Variants in SGCD observed in about 807,000 individuals in gnomAD.
The protein encoded by SGCD is delta-sarcoglycan.
Under a neutral mutation model 36.6 loss-of-function variants are expected in SGCD, and 18 were observed. The observed-to-expected ratio is 0.49, with a 90% CI of 0.34 to 0.73. SGCD has a LOEUF of 0.73. Among genes scored for constraint, SGCD ranks in the 30% least tolerant of loss-of-function variants. SGCD has a pLI of 0.01. For synonymous variants in SGCD, 133 were observed against 130.6 expected (o/e 1.02, Z -0.12); for missense variants, 387 against 346.7 (o/e 1.12, Z -0.92).
intron 1 of SGCD, among the ~76,000 whole-genome samples, chr5:156,039,381 A>G (rs1759581658): frequency 6.9e-6 from 1 of 144,950 alleles, no homozygotes; most frequent in Non-Finnish European, 1.5e-5. Context: ...ACCCCTCAGC[A>G]TCCTGAATCA....
intron 3 of SGCD, among the ~76,000 whole-genome samples, chr5:156,365,236 C>T (rs898598468): frequency 6.6e-6 from 1 of 152,210 alleles, no homozygotes; most frequent in Non-Finnish European, 1.5e-5. Context: ...CATCCTCACA[C>T]TCTCTTACCT....
At chr5:156,061,752 G>A (rs1760212321) in intron 1 of SGCD, among the ~76,000 whole-genome samples, 1 of 145,024 alleles carries the variant, frequency 6.9e-6, no homozygotes, top group South Asian at 2.2e-4. Flanking sequence ...AAGACCCAAA[G>A]GCAACAAATA....
chr5:155,769,407 A>C, the SGCD span, among the ~76,000 whole-genome samples: 7 of 151,460 alleles, frequency 4.6e-5, no homozygotes, highest in Non-Finnish European at 8.8e-5. Flanking sequence ...AAACCAAAAA[A>C]CCGGAGGCAT....
At chr5:156,339,293 G>A (rs1015530140) in intron 2 of SGCD, among the ~76,000 whole-genome samples, 3 of 152,174 alleles carry the variant, frequency 2.0e-5, no homozygotes, top group Admixed American at 6.5e-5. Flanking sequence ...CTTAAGTCAA[G>A]TGGATTTGTT....
intron 1 of SGCD, among the ~76,000 whole-genome samples, chr5:155,911,976 C>T (rs1005350393): frequency 6.6e-6 from 1 of 152,076 alleles, no homozygotes; most frequent in Non-Finnish European, 1.5e-5. Context: ...ACATTGCCCA[C>T]TCTATCTCTT....
chr5:155,927,235 A>T (rs1580994870), intron 1 of SGCD, among the ~76,000 whole-genome samples: 1 of 152,228 alleles, frequency 6.6e-6, no homozygotes, highest in East Asian at 1.9e-4. Flanking sequence ...ACTGGAGAAT[A>T]GTTAATTATT....
chr5:156,221,767 TC>T (rs1764721849), intron 3 of SGCD, among the ~76,000 whole-genome samples: 1 of 152,064 alleles, frequency 6.6e-6, no homozygotes, highest in Non-Finnish European at 1.5e-5. Context: ...TTTAAAGTGC[TC>T]TTTAAGCAAG....
In SGCD at chr5:156,663,797, G is replaced by A. The variant is rs548367889; in HGVS notation, c.575+16261G>A. On this transcript the variant is annotated intron_variant, in intron 7 of 8. Transcript: ENST00000337851. ...ATCTACTGCTGCACTGCCGCTTGTG[G>A]TGAGGGACAATTGTTGTATTGTGGT... 4.8e-5 allele frequency among the ~76,000 whole-genome samples: 7 copies of A among 144,674 alleles called. No individual in the cohort carries two copies. In the East Asian group the frequency reaches 1.4e-3, roughly 29 times the overall value. 94.9% of individuals were successfully genotyped at this position (144,674 alleles called of 152,430 possible). A position where few individuals can be genotyped will look rare whatever the true frequency, so the allele number is the denominator to read the frequency against.
intron 4 of SGCD, among the ~76,000 whole-genome samples, chr5:156,572,962 G>T (rs60989660): frequency 0.037 from 5,566 of 152,100 alleles, 340 homozygotes; most frequent in African/African-American, 0.13. Context: ...AGCCAAGAAA[G>T]AAATTTAGGG....
At chr5:156,372,974 A>G (rs1458125071) in intron 3 of SGCD, among the ~76,000 whole-genome samples, 2 of 150,992 alleles carry the variant, frequency 1.3e-5, no homozygotes, top group African/African-American at 5.0e-5. Context: ...TGAAGATGGC[A>G]TTTCTCTACA....
At chr5:156,087,300 T>C (rs1761121990) in intron 1 of SGCD, among the ~76,000 whole-genome samples, 1 of 152,142 alleles carries the variant, frequency 6.6e-6, no homozygotes, top group African/African-American at 2.4e-5. Context: ...TATATAACAC[T>C]TGGTTTTAAT....
At chr5:155,987,008 C>A (rs1272254321) in intron 1 of SGCD, among the ~76,000 whole-genome samples, 1 of 152,036 alleles carries the variant, frequency 6.6e-6, no homozygotes, top group African/African-American at 2.4e-5. Flanking sequence ...CATAAACAAC[C>A]GTCTTAATGC....
chr5:156,709,585 A>G (rs1240435799), intron 7 of SGCD, among the ~76,000 whole-genome samples: 1 of 152,236 alleles, frequency 6.6e-6, no homozygotes. Context: ...GAAAAGGATT[A>G]AAATAATCCT....
At chr5:156,295,020 C>T (rs561468195) in intron 3 of SGCD, among the ~76,000 whole-genome samples, 1 of 152,194 alleles carries the variant, frequency 6.6e-6, no homozygotes, top group South Asian at 2.1e-4. Flanking sequence ...CCCTCTTCTT[C>T]AATATTTTGA....
At chr5:156,145,940 G>A (rs771003785) in intron 3 of SGCD, among the ~76,000 whole-genome samples, 3 of 152,206 alleles carry the variant, frequency 2.0e-5, no homozygotes, top group Non-Finnish European at 4.4e-5. Context: ...GAGGCCAGGC[G>A]TGGTGGCTCA....
At chr5:155,938,204 A>G (rs1320878327) in intron 1 of SGCD, among the ~76,000 whole-genome samples, 1 of 152,194 alleles carries the variant, frequency 6.6e-6, no homozygotes, top group East Asian at 1.9e-4. Flanking sequence ...AGATCACTTT[A>G]TCAATCAAAC....
intron 7 of SGCD, among the ~76,000 whole-genome samples, chr5:156,705,457 C>A (rs1412754886): frequency 6.6e-6 from 1 of 152,130 alleles, no homozygotes; most frequent in African/African-American, 2.4e-5. Context: ...TCTCTCTTCT[C>A]CTCTGCTGGA....
At chr5:156,417,672 A>T (rs1292174427) in intron 3 of SGCD, among the ~76,000 whole-genome samples, 1 of 152,088 alleles carries the variant, frequency 6.6e-6, no homozygotes, top group Non-Finnish European at 1.5e-5. Context: ...TTACAGGGGC[A>T]CCAATTCTGT....
chr5:155,814,313 C>G, the SGCD span, among the ~76,000 whole-genome samples: 1 of 152,214 alleles, frequency 6.6e-6, no homozygotes, highest in South Asian at 2.1e-4. Context: ...CTCCATCATT[C>G]TTCAGAATTT....
Sources: allele counts gnomAD v4.1 joint callset (sites outside exome capture counted in the v4.1 genomes callset), GRCh38; gene constraint gnomAD v4.1.1; transcripts MANE v1.5; gene names NCBI Gene and HGNC (gene_info 2026-07-23, HGNC 2026-07-21).